Variants in AMZ1 observed in about 807,000 individuals in gnomAD.
AMZ1 encodes the protein archaemetzincin-1.
Under a neutral mutation model 29.9 loss-of-function variants are expected in AMZ1, and 39 were observed. The ratio of observed to expected loss-of-function variants is 1.30; its 90% CI spans 1.01 to 1.70. The LOEUF (loss-of-function observed/expected upper bound fraction) is 1.70, where lower values mean the gene tolerates loss of function less well. AMZ1 is among the 40% of genes most tolerant of loss of function. The probability of loss-of-function intolerance (pLI) is 0.00; values close to 1 mark genes in which losing one functional copy is unlikely to be tolerated. For synonymous variants in AMZ1, 458 were observed against 304.0 expected (o/e 1.51, Z -5.27); for missense variants, 1,041 against 680.6 (o/e 1.53, Z -5.89).
rs1789890886 is a variant in AMZ1 at position 2,731,471 on chromosome 7, A to C, written n.550+21655A>C. The C allele has an allele frequency of 6.2e-7, 1 of 1,613,812 alleles. No homozygotes were observed. The highest frequency in any genetic ancestry group is 1.7e-5 in the Admixed American group (1 of 59,992). ...AAGAGAATGATGGAGACGTTGAAGA[A>C]GAGCTTGTTGTTGACGATGGTCTCG... On this transcript the variant is annotated intron_variant and non_coding_transcript_variant, in intron 4 of 4. Coordinates refer to the AMZ1 transcript ENST00000489665. This position sits in a 1 kb window ranked among gnomAD's most constrained non-coding sequence, Gnocchi z 6.0.
chr7:2,762,830 C>T, upstream of AMZ1: 1 of 1,508,174 alleles, frequency 6.6e-7, no homozygotes, highest in Non-Finnish European at 8.9e-7. Flanking sequence ...GCCACACACC[C>T]AGTCAGCGCG....
intron 4 of AMZ1, among the ~76,000 whole-genome samples, chr7:2,751,439 C>G: frequency 6.8e-6 from 1 of 147,274 alleles, no homozygotes; most frequent in East Asian, 1.9e-4. Context: ...AAAAAATGAT[C>G]AAAAATCACT....
chr7:2,708,455 T>C, intron 3 of AMZ1, 133 bp from the exon 4 acceptor site: 1 of 1,376,234 alleles, frequency 7.3e-7, no homozygotes, highest in Non-Finnish European at 9.8e-7. Context: ...CACCAAACGC[T>C]GGTGGCCCAC....
At chr7:2,735,638 C>A (rs1017106313) in intron 4 of AMZ1, among the ~76,000 whole-genome samples, 1 of 152,232 alleles carries the variant, frequency 6.6e-6, no homozygotes, top group Non-Finnish European at 1.5e-5. Context: ...ACACTCACTG[C>A]TGCTTTCTCC....
At chr7:2,747,983 C>G (rs578135405) in intron 4 of AMZ1, among the ~76,000 whole-genome samples, 35 of 150,950 alleles carry the variant, frequency 2.3e-4, no homozygotes, top group Middle Eastern at 3.4e-3. Context: ...AGGAGAACTA[C>G]AAACCACTGC....
chr7:2,683,133 C>T (rs1348834343), intron 1 of AMZ1, among the ~76,000 whole-genome samples: 1 of 152,222 alleles, frequency 6.6e-6, no homozygotes, highest in Admixed American at 6.5e-5. Flanking sequence ...TTATAAAACC[C>T]GTGTGAAGCA....
At chr7:2,764,420 T>C (rs574748805), upstream of AMZ1, among the ~76,000 whole-genome samples, 1 of 152,258 alleles carries the variant, frequency 6.6e-6, no homozygotes, top group South Asian at 2.1e-4. Context: ...ACATCTGATA[T>C]TGCTGACCAG....
chr7:2,684,371 G>A (rs1786992934), upstream of AMZ1, among the ~76,000 whole-genome samples: 1 of 152,112 alleles, frequency 6.6e-6, no homozygotes, highest in East Asian at 1.9e-4. Flanking sequence ...CATTCTGATG[G>A]TGCAAGTAGG....
rs977508287 is a variant in AMZ1 at position 2,713,821 on chromosome 7, C to T, written c.*943C>T. ...TACAGCTCACCGTGGGGAAGATCAA[C>T]TGTGGTGATGTTTTTGGGACAGTTT... On this transcript the variant is annotated 3_prime_UTR_variant, in exon 7 of 7. Transcript: ENST00000683327. 1.3e-5 allele frequency: 2 copies of T among 152,368 alleles called. No homozygotes were observed. The highest frequency in any genetic ancestry group is 2.1e-4 in the South Asian group (1 of 4,818). 9.4% of individuals were successfully genotyped at this position (152,368 alleles called of 1,614,324 possible).
chr7:2,748,714 T>C (rs529425759), intron 4 of AMZ1, among the ~76,000 whole-genome samples: 4 of 152,340 alleles, frequency 2.6e-5, no homozygotes, highest in South Asian at 4.1e-4. Context: ...ACCATCAGCA[T>C]GAACAGGCAA....
chr7:2,747,535 C>G (rs1179268988), intron 4 of AMZ1, among the ~76,000 whole-genome samples: 1 of 151,908 alleles, frequency 6.6e-6, no homozygotes, highest in Non-Finnish European at 1.5e-5. Context: ...ATAATAAGAG[C>G]TATCTATGAC....
chr7:2,737,414 G>A (rs140992846), intron 4 of AMZ1, among the ~76,000 whole-genome samples: 33 of 149,968 alleles, frequency 2.2e-4, no homozygotes, highest in Middle Eastern at 3.5e-3. Flanking sequence ...TCAGCCTACA[G>A]AGTAGTTGGG....
upstream of AMZ1, chr7:2,762,396 G>A: frequency 2.2e-6 from 1 of 455,310 alleles, no homozygotes. Context: ...TTTCCTCACT[G>A]AGGAAACCAA....
At chr7:2,745,409 C>T (rs1182577866) in intron 4 of AMZ1, among the ~76,000 whole-genome samples, 1 of 152,138 alleles carries the variant, frequency 6.6e-6, no homozygotes, top group Non-Finnish European at 1.5e-5. Context: ...ATTTCATATC[C>T]AGCCAAACTA....
intron 4 of AMZ1, among the ~76,000 whole-genome samples, chr7:2,738,193 T>A (rs1350212701): frequency 6.6e-6 from 1 of 151,902 alleles, no homozygotes; most frequent in Non-Finnish European, 1.5e-5. Flanking sequence ...GCCGAGGCAA[T>A]CACTTGAGGT....
intron 4 of AMZ1, among the ~76,000 whole-genome samples, chr7:2,739,697 T>C (rs1463240942): frequency 3.9e-5 from 6 of 152,152 alleles, no homozygotes; most frequent in Non-Finnish European, 5.9e-5. Context: ...TATTTTAAAA[T>C]GGAGTCTCGC....
chr7:2,716,871 G>A lies in AMZ1; in HGVS notation c.*3993G>A, dbSNP rs912384144. ...CCCACCATATGGCTGTGGCTGTCGA[G>A]ATGGGACTGGGAAGGGCTGGAGCCT... On this transcript the variant is annotated 3_prime_UTR_variant, in exon 7 of 7. Coordinates refer to ENST00000683327, the MANE Select transcript of AMZ1 (RefSeq NM_001384743.1). 6.6e-6 allele frequency among the ~76,000 whole-genome samples: 1 copy of A among 152,254 alleles called. No individual in the cohort carries two copies. The highest frequency in any genetic ancestry group is 2.4e-5 in the African/African-American group (1 of 41,480).
intron 1 of AMZ1, among the ~76,000 whole-genome samples, chr7:2,695,111 T>G (rs1025602095): frequency 6.6e-6 from 1 of 152,234 alleles, no homozygotes; most frequent in Non-Finnish European, 1.5e-5. Flanking sequence ...CGGCTCCTCC[T>G]TGCTCAGCCT....
intron 4 of AMZ1, among the ~76,000 whole-genome samples, chr7:2,734,044 C>G (rs558327754): frequency 9.2e-5 from 14 of 152,318 alleles, no homozygotes; most frequent in African/African-American, 3.1e-4. Context: ...TTTATAGTAG[C>G]AAACACAGGG....
Sources: allele counts gnomAD v4.1 joint callset (sites outside exome capture counted in the v4.1 genomes callset), GRCh38; gene constraint gnomAD v4.1.1; non-coding constraint Gnocchi (gnomAD v3.1); transcripts MANE v1.5; gene names NCBI Gene and HGNC (gene_info 2026-07-23, HGNC 2026-07-21).